MTHFD2: variants seen among roughly 807,000 people sequenced by gnomAD.
MTHFD2 encodes methylenetetrahydrofolate dehydrogenase (NADP+ dependent) 2, methenyltetrahydrofolate cyclohydrolase.
A neutral mutation model predicts 36.8 loss-of-function variants in MTHFD2; 26 were observed. The ratio of observed to expected loss-of-function variants is 0.71; its 90% confidence interval spans 0.52 to 0.98. MTHFD2 has a LOEUF of 0.98. Ranked by LOEUF, MTHFD2 falls within the 50% of genes least tolerant of loss-of-function variation. The pLI is 0.00. For synonymous variants in MTHFD2, 164 were observed against 155.2 expected, an observed-to-expected ratio of 1.06 and a Z score of -0.42; for missense variants, 373 against 434.0, an observed-to-expected ratio of 0.86 and a Z score of 1.25.
chr2:74,216,684 C>CTGCA lies in MTHFD2; in HGVS notation c.*2443_*2446dup, dbSNP rs1164093253. The CTGCA allele has an allele frequency of 6.6e-6, 1 of 152,190 alleles. No homozygotes were observed. The highest frequency in any genetic ancestry group is 2.4e-5 in the African/African-American group (1 of 41,434). 9.4% of individuals were successfully genotyped at this position (152,190 alleles called of 1,614,324 possible). ...AGTGCAGTGGCATGATTATAGCTCA[C>CTGCA]TGCAGCCTTGAACTCCTGGACTTAA... On this transcript the variant is annotated 3_prime_UTR_variant, in exon 8 of 8. Transcript: ENST00000394053.
At chr2:74,200,812 A>T (rs1026930771) in intron 1 of MTHFD2, among the ~76,000 whole-genome samples, 1 of 152,134 alleles carries the variant, frequency 6.6e-6, no homozygotes, top group Non-Finnish European at 1.5e-5. Context: ...TTTCTCCATT[A>T]TGTCTTCCTT....
intron 2 of MTHFD2, among the ~76,000 whole-genome samples, chr2:74,206,900 G>GT (rs944914403): frequency 6.6e-6 from 1 of 151,922 alleles, no homozygotes; most frequent in Non-Finnish European, 1.5e-5. Context: ...TAGAGATGGG[G>GT]TTTCTCCATG....
chr2:74,205,950 A>G (rs192259280), intron 2 of MTHFD2, 61 bp downstream of exon 2: 55 of 1,509,322 alleles, frequency 3.6e-5, no homozygotes, highest in Admixed American at 8.0e-5. Flanking sequence ...GGCAAAGTCC[A>G]TTCTAATTTA....
intron 4 of MTHFD2, among the ~76,000 whole-genome samples, chr2:74,209,600 C>T (rs1168236891): frequency 6.6e-6 from 1 of 151,648 alleles, no homozygotes; most frequent in Non-Finnish European, 1.5e-5. Flanking sequence ...TTTCATCATG[C>T]TGCCCAGGCT....
Position 74,207,744 on chromosome 2 carries a change from A to C in MTHFD2, c.327A>C (p.Ser109=), listed in dbSNP as rs1466766909. ...SETIMKPASI[S]EEELLNLINK... ...CAATTATGAAACCAGCTTCAATTTC[A>C]GAGGAAGAATTGTTGAATTTAATCA... The change falls in exon 3 of 8, where the codon TCA becomes TCC. Residue 109 remains serine, a synonymous_variant. Coordinates refer to ENST00000394053, the MANE Select transcript of MTHFD2 (RefSeq NM_006636.4). 1 of 1,607,678 alleles carries C rather than the reference A, an allele frequency of 6.2e-7. No homozygotes were observed. Among genetic ancestry groups the C allele is most frequent in the Non-Finnish European group, 8.5e-7 (1 of 1,174,690 alleles).
intron 1 of MTHFD2, among the ~76,000 whole-genome samples, chr2:74,204,430 A>G (rs1694131578): frequency 6.6e-6 from 1 of 152,172 alleles, no homozygotes; most frequent in Non-Finnish European, 1.5e-5. Flanking sequence ...CACCTCAGCA[A>G]CAGTTTTCTG....
intron 4 of MTHFD2, among the ~76,000 whole-genome samples, chr2:74,209,311 C>T (rs1455916359): frequency 3.3e-5 from 5 of 150,488 alleles, no homozygotes; most frequent in South Asian, 4.2e-4. Context: ...GGCGTGATCT[C>T]GACTCACTGC....
chr2:74,202,234 A>G (rs1694057945), intron 1 of MTHFD2, among the ~76,000 whole-genome samples: 1 of 152,140 alleles, frequency 6.6e-6, no homozygotes. Context: ...TTTTAAGGAT[A>G]CATGTGTATG....
intron 3 of MTHFD2, 64 bp downstream of exon 3, chr2:74,207,890 C>T: frequency 6.8e-7 from 1 of 1,467,528 alleles, no homozygotes; most frequent in Non-Finnish European, 9.3e-7. Flanking sequence ...CTCCCTCCCT[C>T]TCTCTCTCCC....
rs1694393301 is a variant in MTHFD2 at position 74,214,730 on chromosome 2, T to TATG, written c.*489_*491dup. 6.6e-6 allele frequency: 1 copy of TATG among 152,594 alleles called. No homozygotes were observed. The highest frequency in any genetic ancestry group is 2.1e-4 in the South Asian group (1 of 4,842). The allele number at this position is 152,594 out of a possible 1,614,324, so 9.5% of individuals were successfully genotyped here. A position where few individuals can be genotyped will look rare whatever the true frequency, so the allele number is the denominator to read the frequency against. On this transcript the variant is annotated 3_prime_UTR_variant, in exon 8 of 8. Transcript: ENST00000394053. ...TTGAGCAGAAAAAAATTAATTTATA[T>TATG]ATGTATTGATTGGCAACCAGATTTA...
At chr2:74,200,963 GC>G (rs1418346810) in intron 1 of MTHFD2, among the ~76,000 whole-genome samples, 2 of 152,154 alleles carry the variant, frequency 1.3e-5, no homozygotes, top group Non-Finnish European at 2.9e-5. Context: ...AAGTGAAGAT[GC>G]TACTCACTTG....
intron 5 of MTHFD2, 69 bp from the exon 6 acceptor site, chr2:74,211,130 G>T (rs1439429003): frequency 2.0e-6 from 2 of 978,448 alleles, no homozygotes; most frequent in South Asian, 1.4e-5. Context: ...ACAATGACTT[G>T]ACTAGTTGAG....
chr2:74,198,694 C>T lies in MTHFD2; in HGVS notation c.53C>T (p.Ala18Val). 6 of 1,611,598 alleles carry T rather than the reference C, an allele frequency of 3.7e-6. 1 individual carries two copies. The Middle Eastern group carries it at 9.9e-4, about 267-fold the overall frequency. The change falls in exon 1 of 8, where the codon GCG (alanine) becomes GTG (valine). Residue 18 changes from alanine (A) to valine (V), a missense_variant. Coordinates refer to ENST00000394053, the MANE Select transcript of MTHFD2 (RefSeq NM_006636.4). ...TTGGCTGCCCGGCTGCTGCAGCCCG[C>T]GCACAGCTGCTCCCTTCGCCTTCGC... ...SALAARLLQP[A>V]HSCSLRLRPF... is the part of the protein sequence containing the mutation.
Position 74,210,023 on chromosome 2 carries a change from C to T in MTHFD2, c.644C>T (p.Thr215Ile), listed in dbSNP as rs1694270722. The T allele has an allele frequency of 6.2e-7, 1 of 1,613,504 alleles. No homozygotes were observed. The change falls in exon 5 of 8, where the codon ACA (threonine) becomes ATA (isoleucine). Residue 215 changes from threonine (T) to isoleucine (I), a missense_variant. Physicochemically the swap from Thr to Ile is moderately conservative, Grantham distance 89. This residue lies in a region of MTHFD2 where 308 missense variants were observed against 397.8 expected (regional missense o/e 0.77). Transcript: ENST00000394053. ...ATGCCCATTGCAATGTTACTGCACA[C>T]AGATGGGGCGCATGAACGTCCCGGA... ...VGMPIAMLLH[T>I]DGAHERPGGD... is the part of the protein sequence containing the mutation.
At chr2:74,205,591 G>A (rs745556801) in intron 1 of MTHFD2, 114 bp from the exon 2 acceptor site, 2 of 1,202,278 alleles carry the variant, frequency 1.7e-6, no homozygotes, top group African/African-American at 1.5e-5. Context: ...CCATCCTCCT[G>A]CCCCGGCCTC....
intron 5 of MTHFD2, among the ~76,000 whole-genome samples, chr2:74,210,774 C>T (rs1211975517): frequency 7.7e-6 from 1 of 129,338 alleles, no homozygotes; most frequent in East Asian, 3.0e-4. Context: ...ATGGCACAAG[C>T]CATTAAGTCA....
At chr2:74,211,679 CAAG>C in intron 6 of MTHFD2, 59 bp from the exon 7 acceptor site, 1 of 1,482,758 alleles carries the variant, frequency 6.7e-7, no homozygotes, top group Non-Finnish European at 9.0e-7. Flanking sequence ...TGAAGTTAGA[CAAG>C]AATCTGACAG....
At chr2:74,205,109 C>T (rs933086242) in intron 1 of MTHFD2, among the ~76,000 whole-genome samples, 9 of 152,246 alleles carry the variant, frequency 5.9e-5, no homozygotes, top group Non-Finnish European at 1.2e-4. Flanking sequence ...AAACGTGAGC[C>T]ATCGTGCCCG....
chr2:74,211,209 T>G lies in MTHFD2; in HGVS notation c.681T>G (p.Thr227=), dbSNP rs755863324. 65 of 1,603,710 alleles carry G rather than the reference T, an allele frequency of 4.1e-5. 1 individual carries two copies. In the East Asian group the frequency reaches 1.4e-3, roughly 35 times the overall value. ...TTTTTTTCTTTCTAGGTGATGCCAC[T>G]GTTACAATATCTCATCGATATACTC... ...GAHERPGGDA[T]VTISHRYTPK... Residue 227 remains threonine, a synonymous_variant, in exon 6 of 8, where the codon ACT becomes ACG. Coordinates refer to ENST00000394053, the MANE Select transcript of MTHFD2 (RefSeq NM_006636.4).
Sources: gnomAD v4.1 joint callset for allele counts (sites outside exome capture counted in the v4.1 genomes callset) on GRCh38, gnomAD v4.1.1 for gene constraint, gnomAD v4.1.1 regional missense constraint, MANE v1.5 for transcripts, NCBI Gene and HGNC (gene_info 2026-07-23, HGNC 2026-07-21) for gene names.